CHRM3: variants seen among roughly 807,000 people sequenced by gnomAD.
The protein encoded by CHRM3 is muscarinic acetylcholine receptor M3.
CHRM3 carries 11 observed loss-of-function variants against 41.8 expected under a neutral mutation model. The ratio of observed to expected loss-of-function variants is 0.26; its 90% CI spans 0.17 to 0.44. The LOEUF (loss-of-function observed/expected upper bound fraction) is 0.44, where lower values mean the gene tolerates loss of function less well. CHRM3 is among the 20% of genes least tolerant of loss of function. The pLI is 1.00. For missense variants in CHRM3, 571 were observed against 745.4 expected (o/e 0.77, Z 2.72); for synonymous variants, 297 against 301.4 (o/e 0.99, Z 0.15).
intron 1 of CHRM3, among the ~76,000 whole-genome samples, chr1:239,420,195 C>T (rs1006154200): frequency 6.6e-6 from 1 of 152,174 alleles, no homozygotes; most frequent in South Asian, 2.1e-4. Flanking sequence ...ACCCAAAGCA[C>T]TCTCTTTACT....
chr1:239,852,338 G>A (rs1674763060), intron 6 of CHRM3, among the ~76,000 whole-genome samples: 1 of 152,150 alleles, frequency 6.6e-6, no homozygotes, highest in Non-Finnish European at 1.5e-5. Flanking sequence ...TCTAGTCATT[G>A]TAACTTTAAG....
intron 3 of CHRM3, among the ~76,000 whole-genome samples, chr1:239,598,730 G>A (rs559347478): frequency 2.6e-5 from 4 of 152,170 alleles, no homozygotes; most frequent in East Asian, 1.9e-4. Context: ...CTGAAATACC[G>A]AAGTACTCCT....
chr1:239,578,289 G>T (rs1662559674), intron 3 of CHRM3, among the ~76,000 whole-genome samples: 1 of 152,034 alleles, frequency 6.6e-6, no homozygotes, highest in Admixed American at 6.6e-5. Flanking sequence ...GAAACCTTTG[G>T]CACATTTTTG....
chr1:239,881,684 TTAAAG>T (rs1289255063), intron 6 of CHRM3, among the ~76,000 whole-genome samples: 1 of 152,152 alleles, frequency 6.6e-6, no homozygotes, highest in African/African-American at 2.4e-5. Flanking sequence ...GAATAACTAT[TTAAAG>T]TAAGTTCTTT....
At position 239,439,887 on chromosome 1, in the gene CHRM3, G is replaced by A. The variant is rs140731099; in HGVS notation, c.-521+52660G>A. Among the ~76,000 whole-genome samples, 296 of 152,158 alleles carry A rather than the reference G, an allele frequency of 1.9e-3. 1 individual carries two copies. The highest frequency in any genetic ancestry group is 6.5e-3 in the African/African-American group (268 of 41,526). The stretch of plus-strand genomic sequence containing the variant: ...TAATTGGTGTGCAAAGAAGATGGTC[G>A]ATATCAGGAAGTGTAAAAACCTCTC... On this transcript the variant is annotated intron_variant, in intron 1 of 6. Transcript: ENST00000676153.
chr1:239,866,409 A>G (rs488822), intron 6 of CHRM3, among the ~76,000 whole-genome samples: 1 of 151,906 alleles, frequency 6.6e-6, no homozygotes, highest in African/African-American at 2.4e-5. Context: ...CAAAAACAAA[A>G]AAAAAAAAGC....
intron 5 of CHRM3, among the ~76,000 whole-genome samples, chr1:239,823,264 AC>A (rs1332034490): frequency 3.4e-4 from 52 of 152,338 alleles, no homozygotes; most frequent in Non-Finnish European, 6.3e-4. Context: ...AGAGTCAATG[AC>A]ATAATCATAT....
At chr1:239,632,398 G>A (rs1460846262) in intron 4 of CHRM3, 112 bp downstream of exon 4, 1 of 152,160 alleles carries the variant, frequency 6.6e-6, no homozygotes, top group East Asian at 1.9e-4. Flanking sequence ...TTTTCAACAT[G>A]ATGTACAATT....
At chr1:239,835,112 A>G (rs1487264651) in intron 6 of CHRM3, among the ~76,000 whole-genome samples, 1 of 152,214 alleles carries the variant, frequency 6.6e-6, no homozygotes. Context: ...TTAAATTGCC[A>G]TTGTGATTTA....
rs1680258693 is a variant in CHRM3 at position 239,909,834 on chromosome 1, CT to C, written c.*612del. ...TTCAAGTTTCGTACAAATAAAAATA[CT>C]TAAGTATATATATATGTGTGAGTTC... On this transcript the variant is annotated 3_prime_UTR_variant, in exon 7 of 7. Coordinates refer to ENST00000676153, the MANE Select transcript of CHRM3 (RefSeq NM_001375978.1). 1.2e-5 allele frequency: 2 copies of C among 167,008 alleles called. No homozygotes were observed. The highest frequency in any genetic ancestry group is 6.5e-5 in the Admixed American group (1 of 15,274). The allele number at this position is 167,008 out of a possible 1,614,324, so 10.3% of individuals were successfully genotyped here. A position where few individuals can be genotyped will look rare whatever the true frequency, so the allele number is the denominator to read the frequency against.
At chr1:239,673,118 C>T (rs1415402777) in intron 4 of CHRM3, among the ~76,000 whole-genome samples, 2 of 152,060 alleles carry the variant, frequency 1.3e-5, no homozygotes, top group Non-Finnish European at 2.9e-5. Flanking sequence ...AATGGCTTCC[C>T]GGAGCTGGAG....
At chr1:239,769,624 G>C (rs1162766631) in intron 5 of CHRM3, among the ~76,000 whole-genome samples, 3 of 152,204 alleles carry the variant, frequency 2.0e-5, no homozygotes, top group Non-Finnish European at 4.4e-5. Context: ...TGTGGCGCCT[G>C]TAAGCCCAAC....
rs758413973 is a variant in CHRM3, at chr1:239,874,285, G to GTATATATATATATATA, written c.-19-33121_-19-33106dup. Among the ~76,000 whole-genome samples, 44 of 83,244 alleles carry GTATATATATATATATA rather than the reference G, an allele frequency of 5.3e-4. 1 individual carries two copies. The highest frequency in any genetic ancestry group is 2.6e-3 in the African/African-American group (42 of 16,430). 54.6% of individuals were successfully genotyped at this position (83,244 alleles called of 152,430 possible). A position where few individuals can be genotyped will look rare whatever the true frequency, so the allele number is the denominator to read the frequency against. On this transcript the variant is annotated intron_variant, in intron 6 of 6. Coordinates refer to ENST00000676153, the MANE Select transcript of CHRM3 (RefSeq NM_001375978.1). Reference sequence around the variant, plus strand: ...AGACCTATATATATCTATATACACAGTATATATATATATATATATATATAT... The same window carrying GTATATATATATATATA: ...AGACCTATATATATCTATATACACAGTATATATATATATATATATATATATATATATATATATATAT...
intron 3 of CHRM3, among the ~76,000 whole-genome samples, chr1:239,618,571 G>A (rs745582347): frequency 2.2e-4 from 33 of 151,872 alleles, no homozygotes; most frequent in East Asian, 6.0e-4. Flanking sequence ...ATGGCCGGGC[G>A]CGGTGGCTCA....
At chr1:239,616,565 AT>A (rs985091845) in intron 3 of CHRM3, among the ~76,000 whole-genome samples, 4 of 152,222 alleles carry the variant, frequency 2.6e-5, no homozygotes, top group Admixed American at 2.0e-4. Flanking sequence ...TTTCTGAAAG[AT>A]TTTTTTACAA....
Position 239,907,128 on chromosome 1 carries a change from GAAGT to G in CHRM3, c.-19-301_-19-298del, listed in dbSNP as rs1478953156. On this transcript the variant is annotated intron_variant, in intron 6 of 6. Transcript: ENST00000676153. This position sits in a 1 kb window ranked among gnomAD's most constrained non-coding sequence, Gnocchi z 5.4. ...TATTTTTCACCTTTACAAAATAAGA[GAAGT>G]AAGGGCGATTTTGTCTAGTAACAGA... Among the ~76,000 whole-genome samples, 1 of 152,170 alleles carries G rather than the reference GAAGT, an allele frequency of 6.6e-6. No individual in the cohort carries two copies. The highest frequency in any genetic ancestry group is 1.5e-5 in the Non-Finnish European group (1 of 68,034).
At chr1:239,843,967 C>A (rs1262302005) in intron 6 of CHRM3, among the ~76,000 whole-genome samples, 1 of 152,042 alleles carries the variant, frequency 6.6e-6, no homozygotes, top group Admixed American at 6.5e-5. Flanking sequence ...CATATGCATA[C>A]ACACACGTTA....
chr1:239,532,338 T>G (rs1310898719), intron 2 of CHRM3, among the ~76,000 whole-genome samples: 3 of 147,406 alleles, frequency 2.0e-5, no homozygotes, highest in Non-Finnish European at 4.5e-5. Context: ...ATAAAATATG[T>G]AGGAGTTGGC....
intron 6 of CHRM3, among the ~76,000 whole-genome samples, chr1:239,878,768 G>A (rs1677337649): frequency 6.6e-6 from 1 of 152,026 alleles, no homozygotes; most frequent in Non-Finnish European, 1.5e-5. Context: ...AGGTGTTAAG[G>A]GAGGTGAGAA....
Sources: allele counts gnomAD v4.1 joint callset (sites outside exome capture counted in the v4.1 genomes callset), GRCh38; gene constraint gnomAD v4.1.1; non-coding constraint Gnocchi (gnomAD v3.1); transcripts MANE v1.5; gene names NCBI Gene and HGNC (gene_info 2026-07-23, HGNC 2026-07-21).